Variants in MYO3B observed in about 807,000 individuals in gnomAD.
MYO3B encodes myosin-IIIb.
A neutral mutation model predicts 174.6 loss-of-function variants in MYO3B; 156 were observed. The ratio of observed to expected loss-of-function variants is 0.89; its 90% CI spans 0.78 to 1.02. MYO3B has a LOEUF of 1.02. Ranked by LOEUF, MYO3B falls within the 50% of genes least tolerant of loss-of-function variation. The probability of loss-of-function intolerance (pLI) is 0.00; values close to 1 mark genes in which losing one functional copy is unlikely to be tolerated. For synonymous variants in MYO3B, 563 were observed against 569.1 expected, an observed-to-expected ratio of 0.99 and a Z score of 0.15; for missense variants, 1,632 against 1,639.4, an observed-to-expected ratio of 1.00 and a Z score of 0.08.
At position 170,649,143 on chromosome 2, in the gene MYO3B, ATATAT is replaced by A. The variant is rs1157080699; in HGVS notation, c.3734-2479_3734-2475del. ...TATAATGTATATAAAATAATATATA[ATATAT>A]TATATATAAAATAATATATAATATA... On this transcript the variant is annotated intron_variant, in intron 32 of 34. Transcript: ENST00000408978. Among the ~76,000 whole-genome samples, 34 of 65,908 alleles carry A rather than the reference ATATAT, an allele frequency of 5.2e-4. 1 individual carries two copies. The highest frequency in any genetic ancestry group is 2.5e-3 in the Admixed American group (9 of 3,644). 43.2% of individuals were successfully genotyped at this position (65,908 alleles called of 152,430 possible).
chr2:170,639,203 C>G (rs755485178), intron 32 of MYO3B, among the ~76,000 whole-genome samples: 7 of 152,178 alleles, frequency 4.6e-5, no homozygotes, highest in African/African-American at 7.2e-5. Flanking sequence ...TCCCAGCTCC[C>G]CAGTAGTTCA....
intron 7 of MYO3B, among the ~76,000 whole-genome samples, chr2:170,322,523 AG>A (rs1363731542): frequency 1.3e-5 from 2 of 152,176 alleles, no homozygotes; most frequent in African/African-American, 4.8e-5. Flanking sequence ...CAGGTGTGAG[AG>A]GGGGTGCTGC....
intron 32 of MYO3B, among the ~76,000 whole-genome samples, chr2:170,587,872 G>A (rs552611617): frequency 1.3e-5 from 2 of 152,332 alleles, no homozygotes; most frequent in Non-Finnish European, 2.9e-5. Context: ...AGCAGCTGAA[G>A]AATTTTTGGA....
chr2:170,284,250 G>A lies in MYO3B; in HGVS notation c.749+48114G>A, dbSNP rs13422167. On this transcript the variant is annotated intron_variant, in intron 7 of 34. Transcript: ENST00000408978. ...CCCTATATGCACCAATCCTTGGATA[G>A]GGCAGTGAATCAAACATGGACTTTC... Among the ~76,000 whole-genome samples the A allele has an allele frequency of 2.9e-3, 440 of 152,270 alleles. 2 individuals are homozygous for A. The highest frequency in any genetic ancestry group is 0.01 in the African/African-American group (433 of 41,548).
chr2:170,410,434 A>C (rs1172841578), intron 22 of MYO3B, among the ~76,000 whole-genome samples: 1 of 151,980 alleles, frequency 6.6e-6, no homozygotes, highest in Non-Finnish European at 1.5e-5. Flanking sequence ...ACAAAAAATT[A>C]GCCGGGTGTG....
chr2:170,341,719 G>T (rs1428289719), intron 8 of MYO3B, among the ~76,000 whole-genome samples: 6 of 152,014 alleles, frequency 3.9e-5, no homozygotes, highest in Admixed American at 3.9e-4. Context: ...ACTTATAAAT[G>T]CAACTCAAAT....
chr2:170,579,245 ACCCAATACTCAGT>A (rs1280439519), intron 32 of MYO3B, among the ~76,000 whole-genome samples: 1 of 152,128 alleles, frequency 6.6e-6, no homozygotes, highest in East Asian at 1.9e-4. Flanking sequence ...ACTAGTTACA[ACCCAATACTCAGT>A]CCTTTGATTT....
At chr2:170,635,827 A>AAAT (rs1322396774) in intron 32 of MYO3B, among the ~76,000 whole-genome samples, 1 of 152,218 alleles carries the variant, frequency 6.6e-6, no homozygotes, top group Non-Finnish European at 1.5e-5. Flanking sequence ...GAGAAAGAGA[A>AAAT]AATGAATTTA....
At chr2:170,216,908 G>A (rs1230318425) in intron 5 of MYO3B, among the ~76,000 whole-genome samples, 4 of 151,708 alleles carry the variant, frequency 2.6e-5, no homozygotes, top group African/African-American at 9.7e-5. Context: ...AAATCCTAAT[G>A]ATTTAAATAG....
At chr2:170,478,594 A>G (rs1459860312) in intron 25 of MYO3B, among the ~76,000 whole-genome samples, 2 of 122,892 alleles carry the variant, frequency 1.6e-5, no homozygotes, top group African/African-American at 3.0e-5. Flanking sequence ...TTTGAGATGG[A>G]GTCTCACTCT....
intron 1 of MYO3B, among the ~76,000 whole-genome samples, chr2:170,184,487 G>T (rs2092439402): frequency 6.6e-6 from 1 of 152,222 alleles, no homozygotes; most frequent in East Asian, 1.9e-4. Context: ...ATTACCTCCA[G>T]TTTCATCCAT....
At chr2:170,539,419 CGTGGTGTTA>C (rs1689938238) in intron 30 of MYO3B, among the ~76,000 whole-genome samples, 1 of 152,092 alleles carries the variant, frequency 6.6e-6, no homozygotes, top group African/African-American at 2.4e-5. Context: ...ACAATGTTGT[CGTGGTGTTA>C]GTGGTGTTAA....
chr2:170,266,987 A>G (rs1440599971), intron 7 of MYO3B, among the ~76,000 whole-genome samples: 1 of 152,234 alleles, frequency 6.6e-6, no homozygotes, highest in Non-Finnish European at 1.5e-5. Flanking sequence ...AACAAACCCC[A>G]CTATCTGATT....
intron 1 of MYO3B, among the ~76,000 whole-genome samples, chr2:170,185,412 A>G (rs2092449555): frequency 2.0e-5 from 3 of 152,172 alleles, no homozygotes; most frequent in African/African-American, 7.2e-5. Flanking sequence ...TCCTTTCCTC[A>G]ATGTATGTTT....
At chr2:170,184,551 G>A (rs893754968) in intron 1 of MYO3B, among the ~76,000 whole-genome samples, 12 of 152,022 alleles carry the variant, frequency 7.9e-5, no homozygotes, top group Non-Finnish European at 1.5e-4. Flanking sequence ...ATATTCCATT[G>A]TATATATAAA....
chr2:170,185,258 G>T (rs10205983), intron 1 of MYO3B, among the ~76,000 whole-genome samples: 56,993 of 151,962 alleles, frequency 0.38, 10,837 homozygotes, highest in African/African-American at 0.41. Context: ...CCAGACCAAC[G>T]TCCTGGAGAG....
At chr2:170,255,408 C>T (rs1287539925) in intron 7 of MYO3B, among the ~76,000 whole-genome samples, 2 of 152,166 alleles carry the variant, frequency 1.3e-5, no homozygotes, top group Non-Finnish European at 2.9e-5. Flanking sequence ...AAAAAAGGTA[C>T]ATAACTAAGA....
intron 25 of MYO3B, among the ~76,000 whole-genome samples, chr2:170,480,042 T>TAC (rs1553504800): frequency 3.3e-5 from 1 of 30,138 alleles, no homozygotes; most frequent in Non-Finnish European, 1.2e-4. Context: ...TGTGTGTGTG[T>TAC]ATATATATAT....
chr2:170,263,205 T>C (rs2093358067), intron 7 of MYO3B, among the ~76,000 whole-genome samples: 1 of 152,162 alleles, frequency 6.6e-6, no homozygotes, highest in South Asian at 2.1e-4. Context: ...CTAGACGGTT[T>C]TTCTCCTCCG....
Sources: allele counts gnomAD v4.1 joint callset (sites outside exome capture counted in the v4.1 genomes callset), GRCh38; gene constraint gnomAD v4.1.1; transcripts MANE v1.5; gene names NCBI Gene and HGNC (gene_info 2026-07-23, HGNC 2026-07-21).